The following LINGO2 variants were observed in gnomAD, a reference collection of about 807,000 sequenced individuals.
The protein encoded by LINGO2 is leucine rich repeat and Ig domain containing 2.
A neutral mutation model predicts 30.6 loss-of-function variants in LINGO2; 14 were observed. The observed-to-expected ratio is 0.46, with a 90% CI of 0.30 to 0.72. The LOEUF is 0.72. Among genes scored for constraint, LINGO2 ranks in the 30% least tolerant of loss-of-function variants. LINGO2 has a pLI of 0.07. For synonymous variants in LINGO2, 317 were observed against 288.5 expected (o/e 1.10, Z -1.00); for missense variants, 729 against 751.7 (o/e 0.97, Z 0.35).
At chr9:28,368,473 G>A (rs1003096435) in intron 3 of LINGO2, among the ~76,000 whole-genome samples, 2 of 152,000 alleles carry the variant, frequency 1.3e-5, no homozygotes, top group Non-Finnish European at 2.9e-5. Context: ...AAGTTAGAGA[G>A]ATGTATTAAG....
intron 1 of LINGO2, among the ~76,000 whole-genome samples, chr9:28,560,475 T>C (rs564873633): frequency 1.1e-4 from 17 of 152,194 alleles, no homozygotes; most frequent in African/African-American, 3.6e-4. Flanking sequence ...ATTTTAAACA[T>C]GTCAGCCTCT....
chr9:28,254,471 TG>T, intron 4 of LINGO2, among the ~76,000 whole-genome samples: 1 of 152,246 alleles, frequency 6.6e-6, no homozygotes, highest in Non-Finnish European at 1.5e-5. Flanking sequence ...TCTTCCTAGA[TG>T]AAAGATAGAC....
intron 1 of LINGO2, among the ~76,000 whole-genome samples, chr9:28,605,446 T>C (rs138260022): frequency 7.3e-4 from 111 of 152,048 alleles, no homozygotes; most frequent in African/African-American, 2.6e-3. Flanking sequence ...TGTCTTTTCC[T>C]CTTATTTATT....
rs900974430 is a variant in LINGO2 at position 28,506,768 on chromosome 9, A to G, written c.-364-30743T>C. Among the ~76,000 whole-genome samples the G allele has an allele frequency of 2.0e-5, 3 of 151,456 alleles. 1 individual carries two copies. The highest frequency in any genetic ancestry group is 2.9e-5 in the Non-Finnish European group (2 of 67,842). Reference sequence around the variant, plus strand: ...GAGTTGTTTTGTCTCTAGGTACCATAATTATTGCCAGGTGTTTATGCTATA... The same window carrying G: ...GAGTTGTTTTGTCTCTAGGTACCATGATTATTGCCAGGTGTTTATGCTATA... On this transcript the variant is annotated intron_variant, in intron 1 of 5. Transcript: ENST00000379992.
At chr9:28,958,140 T>C in the LINGO2 span, among the ~76,000 whole-genome samples, 561 of 152,242 alleles carry the variant, frequency 3.7e-3, 2 homozygotes, top group African/African-American at 0.013. Flanking sequence ...CAGATGACCA[T>C]CCATTAAGAC....
the LINGO2 span, among the ~76,000 whole-genome samples, chr9:29,070,421 A>C: frequency 1.3e-5 from 2 of 152,122 alleles, no homozygotes; most frequent in African/African-American, 4.8e-5. Flanking sequence ...TGACCTCGGG[A>C]CTTCCCGTCA....
At chr9:28,869,591 T>A in the LINGO2 span, among the ~76,000 whole-genome samples, 1 of 152,066 alleles carries the variant, frequency 6.6e-6, no homozygotes, top group African/African-American at 2.4e-5. Flanking sequence ...GAAAATTAGC[T>A]AAAAGTCCAG....
At chr9:27,943,220 C>T (rs1823234320), downstream of LINGO2, 1 of 152,106 alleles carries the variant, frequency 6.6e-6, no homozygotes, top group Admixed American at 6.6e-5. Flanking sequence ...AACCAAATTT[C>T]TGCTTTTTTT....
chr9:29,113,870 A>G, the LINGO2 span, among the ~76,000 whole-genome samples: 1 of 152,276 alleles, frequency 6.6e-6, no homozygotes, highest in East Asian at 1.9e-4. Context: ...GAGATGCTCA[A>G]GGTATTTTAC....
At chr9:28,290,890 C>G (rs1031527537) in intron 4 of LINGO2, among the ~76,000 whole-genome samples, 1 of 152,058 alleles carries the variant, frequency 6.6e-6, no homozygotes. Context: ...ACTACTGGGT[C>G]GGTTTCAAAA....
At chr9:28,364,186 T>C (rs1320681402) in intron 3 of LINGO2, among the ~76,000 whole-genome samples, 1 of 152,194 alleles carries the variant, frequency 6.6e-6, no homozygotes, top group Non-Finnish European at 1.5e-5. Flanking sequence ...TGATTCTTTA[T>C]ATGATTAGAC....
chr9:27,992,932 C>A (rs1238459313), intron 5 of LINGO2, among the ~76,000 whole-genome samples: 1 of 152,092 alleles, frequency 6.6e-6, no homozygotes, highest in Admixed American at 6.6e-5. Context: ...ATCCCAATAC[C>A]ACTGAAAAGG....
chr9:28,081,774 T>C (rs527296040), intron 4 of LINGO2, among the ~76,000 whole-genome samples: 12 of 152,336 alleles, frequency 7.9e-5, no homozygotes, highest in African/African-American at 2.9e-4. Context: ...GCAGTAAAAT[T>C]CATGCAAACA....
chr9:28,358,144 T>C (rs575863827), intron 3 of LINGO2, among the ~76,000 whole-genome samples: 1 of 152,284 alleles, frequency 6.6e-6, no homozygotes. Flanking sequence ...ACCATAACAG[T>C]AAAACTTATC....
At chr9:28,804,570 A>AAAAACAAAAAC in the LINGO2 span, among the ~76,000 whole-genome samples, 3 of 60,896 alleles carry the variant, frequency 4.9e-5, no homozygotes, top group African/African-American at 9.9e-5. Flanking sequence ...AAAACAAAAA[A>AAAAACAAAAAC]AAAACAGATC....
chr9:28,310,940 A>T (rs1161468387), intron 3 of LINGO2, among the ~76,000 whole-genome samples: 3 of 152,172 alleles, frequency 2.0e-5, no homozygotes, highest in Non-Finnish European at 4.4e-5. Context: ...TGCTCAAGCA[A>T]TTTTTAATAA....
chr9:29,212,305 G>C, the LINGO2 span, among the ~76,000 whole-genome samples: 1 of 151,764 alleles, frequency 6.6e-6, no homozygotes, highest in South Asian at 2.1e-4. Flanking sequence ...CGCTCACCCC[G>C]CCGCCTCCTG....
chr9:28,797,359 T>TATATATATATATATATATAGAGAG, the LINGO2 span, among the ~76,000 whole-genome samples: 1 of 34,206 alleles, frequency 2.9e-5, no homozygotes, highest in Non-Finnish European at 5.4e-5. Flanking sequence ...TATATATATA[T>TATATATATATATATATATAGAGAG]AGAGAGAGAG....
At chr9:28,457,804 T>C (rs1824913605) in intron 2 of LINGO2, among the ~76,000 whole-genome samples, 1 of 152,124 alleles carries the variant, frequency 6.6e-6, no homozygotes, top group Non-Finnish European at 1.5e-5. Context: ...CAACATTGTA[T>C]ATGAATTTCA....
Sources: allele counts gnomAD v4.1 joint callset (sites outside exome capture counted in the v4.1 genomes callset), GRCh38; gene constraint gnomAD v4.1.1; transcripts MANE v1.5; gene names NCBI Gene and HGNC (gene_info 2026-07-23, HGNC 2026-07-21).